Variants in MYO18A observed in about 807,000 individuals in gnomAD.
The protein encoded by MYO18A is unconventional myosin-XVIIIa.
Under a neutral mutation model 235.8 loss-of-function variants are expected in MYO18A, and 78 were observed. The ratio of observed to expected loss-of-function variants is 0.33; its 90% CI spans 0.28 to 0.40. MYO18A has a LOEUF of 0.40. Ranked by LOEUF, MYO18A falls within the 10% of genes least tolerant of loss-of-function variation. The pLI is 1.00. For synonymous variants in MYO18A, 977 were observed against 1,077.8 expected (o/e 0.91, Z 1.83); for missense variants, 2,215 against 2,699.3 (o/e 0.82, Z 3.98).
intron 21 of MYO18A, among the ~76,000 whole-genome samples, chr17:29,102,931 C>T (rs115845813): frequency 0.02 from 3,039 of 152,332 alleles, 109 homozygotes; most frequent in African/African-American, 0.069. Flanking sequence ...TCCACCCTGG[C>T]CCTGGGGCAC....
intron 3 of MYO18A, 76 bp downstream of exon 3, chr17:29,122,090 T>C (rs755372952): frequency 2.6e-5 from 40 of 1,540,704 alleles, no homozygotes; most frequent in Non-Finnish European, 3.3e-5. Context: ...CCTCACCAGA[T>C]GCAGAAGGCA....
Position 29,166,810 on chromosome 17 carries a change from C to T in MYO18A, c.131G>A (p.Gly44Asp). ...RSLEEMSLRR[G>D]FFNLNRSSKR... ...GGAGGAGCGGTTCAGGTTGAAGAAG[C>T]CACGTCGCAGGCTCATCTCCTCCAG... Residue 44 changes from glycine to aspartate, a missense_variant, in exon 2 of 42, where the codon GGC becomes GAC. Transcript: ENST00000527372. The T allele has an allele frequency of 6.2e-7, 1 of 1,603,394 alleles. No individual in the cohort carries two copies. Among genetic ancestry groups the T allele is most frequent in the East Asian group, 2.3e-5 (1 of 44,398 alleles).
intron 41 of MYO18A, among the ~76,000 whole-genome samples, chr17:29,079,432 G>A (rs1206863496): frequency 6.6e-6 from 1 of 152,238 alleles, no homozygotes; most frequent in East Asian, 1.9e-4. Flanking sequence ...GTTACTGTGA[G>A]GGATAAGTGA....
Position 29,171,139 on chromosome 17 carries a change from C to G in MYO18A, c.-81-4118G>C, listed in dbSNP as rs574860362. Reference sequence around the variant, plus strand: ...TAAGTATATGCACTTGTCAAGTTATCAAATGGTGCACATAAGATTTGTGCG... The same window carrying G: ...TAAGTATATGCACTTGTCAAGTTATGAAATGGTGCACATAAGATTTGTGCG... On this transcript the variant is annotated intron_variant, in intron 1 of 41. Coordinates refer to ENST00000527372, the MANE Select transcript of MYO18A (RefSeq NM_078471.4). 5.3e-5 allele frequency among the ~76,000 whole-genome samples: 8 copies of G among 152,262 alleles called. No individual in the cohort carries two copies. In the East Asian group the frequency reaches 1.5e-3, roughly 29 times the overall value.
At chr17:29,128,680 C>T in intron 2 of MYO18A, 1 of 626,442 alleles carries the variant, frequency 1.6e-6, no homozygotes, top group East Asian at 8.2e-5. Flanking sequence ...CACATGGCTC[C>T]ACGAGGCTAC....
intron 2 of MYO18A, among the ~76,000 whole-genome samples, chr17:29,124,231 C>A (rs2067266130): frequency 6.6e-6 from 1 of 152,168 alleles, no homozygotes; most frequent in African/African-American, 2.4e-5. Context: ...GGGTTTCTCA[C>A]ATTGGCCAGG....
chr17:29,095,129 G>T, intron 28 of MYO18A, 70 bp from the exon 29 acceptor site: 1 of 1,467,872 alleles, frequency 6.8e-7, no homozygotes. Flanking sequence ...ACTGTCAGGA[G>T]GTGGTGCCAT....
chr17:29,141,586 G>T (rs1353839145), intron 2 of MYO18A, among the ~76,000 whole-genome samples: 1 of 152,204 alleles, frequency 6.6e-6, no homozygotes, highest in Non-Finnish European at 1.5e-5. Context: ...TCCATGAAAA[G>T]ATTGGTAAGC....
At chr17:29,103,719 G>A in intron 20 of MYO18A, 55 bp from the exon 21 acceptor site, 2 of 1,578,124 alleles carry the variant, frequency 1.3e-6, no homozygotes, top group African/African-American at 1.3e-5. Context: ...TCACCATGCA[G>A]GGCTTTCTCC....
In MYO18A at chr17:29,074,279, G is replaced by T; in HGVS notation, c.*491C>A. 7.6e-7 allele frequency: 1 copy of T among 1,310,902 alleles called. No individual in the cohort carries two copies. Among genetic ancestry groups the T allele is most frequent in the Non-Finnish European group, 1.0e-6 (1 of 958,342 alleles). 81.2% of individuals were successfully genotyped at this position (1,310,902 alleles called of 1,614,324 possible). On this transcript the variant is annotated 3_prime_UTR_variant, in exon 42 of 42. Transcript: ENST00000527372. The surrounding 1 kb of genome is among the most constrained non-coding windows in gnomAD (Gnocchi z 4.4). ...GGGATGCAGCTGTGATGGAGAGGTT[G>T]GGTATTTAAATTAAAAAGTAGAAAG...
chr17:29,115,478 C>A, intron 12 of MYO18A, 37 bp from the exon 13 acceptor site: 1 of 1,598,186 alleles, frequency 6.3e-7, no homozygotes, highest in East Asian at 2.3e-5. Context: ...CTCCTTCTCC[C>A]CAGGGCTCCC....
chr17:29,091,676 C>T (rs993458980), intron 34 of MYO18A: 5 of 454,748 alleles, frequency 1.1e-5, no homozygotes, highest in East Asian at 6.9e-5. Context: ...AAATCAAGCC[C>T]GTGAGATTGG....
At position 29,125,851 on chromosome 17, in the gene MYO18A, G is replaced by A; in HGVS notation, c.1000-3598C>T. 5 of 965,102 alleles carry A rather than the reference G, an allele frequency of 5.2e-6. No individual in the cohort carries two copies. Among genetic ancestry groups the A allele is most frequent in the Non-Finnish European group, 4.9e-6 (4 of 810,768 alleles). 59.8% of individuals were successfully genotyped at this position (965,102 alleles called of 1,614,324 possible). On this transcript the variant is annotated intron_variant, in intron 2 of 41. Transcript: ENST00000527372. The surrounding 1 kb of genome is among the most constrained non-coding windows in gnomAD (Gnocchi z 5.1). ...GGTCCTGCCGCCAGCCTCAGGAAGA[G>A]GGCGGCCAGGGACTGGGACCCACAC...
At position 29,082,361 on chromosome 17, in the gene MYO18A, C is replaced by A; in HGVS notation, c.5975G>T (p.Gly1992Val). 8 of 1,613,970 alleles carry A rather than the reference C, an allele frequency of 5.0e-6. No homozygotes were observed. Among genetic ancestry groups the A allele is most frequent in the Non-Finnish European group, 6.8e-6 (8 of 1,179,880 alleles). ...ATCATCAGAAGCTGCCTTGGAAGGTCCCTTGTTTTTTGACAACCAGGACTT... is the reference window on the plus strand; with the variant it reads ...ATCATCAGAAGCTGCCTTGGAAGGTACCTTGTTTTTTGACAACCAGGACTT... ...GVKSWLSKNK[G>V]PSKAASDDGS... The change falls in exon 41 of 42, where the codon GGA (glycine) becomes GTA (valine). Residue 1992 changes from glycine (G) to valine (V), a missense_variant. Transcript: ENST00000527372.
Position 29,111,468 on chromosome 17 carries a change from G to T in MYO18A, c.2856C>A (p.Asn952Lys), listed in dbSNP as rs1452730012. ...VTGWLNYTKQ[N>K]PATQNAPRLL... Reference sequence around the variant, plus strand: ...GCCGGGGGGCATTCTGGGTGGCTGGGTTCTGCTTGGTGTAGTTCAGCCAGC... The same window carrying T: ...GCCGGGGGGCATTCTGGGTGGCTGGTTTCTGCTTGGTGTAGTTCAGCCAGC... Residue 952 changes from asparagine (N) to lysine (K), a missense_variant, in exon 17 of 42, where the codon AAC (asparagine) becomes AAA (lysine). Transcript: ENST00000527372. The surrounding 1 kb of genome is among the most constrained non-coding windows in gnomAD (Gnocchi z 5.1). The T allele has an allele frequency of 6.2e-7, 1 of 1,612,324 alleles. No homozygotes were observed. The highest frequency in any genetic ancestry group is 1.7e-5 in the Admixed American group (1 of 59,720).
At chr17:29,145,205 G>A (rs756604022) in intron 2 of MYO18A, among the ~76,000 whole-genome samples, 2 of 152,092 alleles carry the variant, frequency 1.3e-5, no homozygotes, top group Non-Finnish European at 2.9e-5. Context: ...CCGTTCCCCA[G>A]CACTAGGCAC....
chr17:29,117,888 C>T lies in MYO18A; in HGVS notation c.2038+157G>A. 1 of 898,460 alleles carries T rather than the reference C, an allele frequency of 1.1e-6. No individual in the cohort carries two copies. Among genetic ancestry groups the T allele is most frequent in the East Asian group, 2.7e-5 (1 of 37,238 alleles). The allele number at this position is 898,460 out of a possible 1,614,324, so 55.7% of individuals were successfully genotyped here. ...CTGCCAAAGATGCTTCCCGGGCCTT[C>T]TGCTCTGAAGTGGGGGGCTGAGAAG... On this transcript the variant is annotated intron_variant, in intron 10 of 41. Coordinates refer to ENST00000527372, the MANE Select transcript of MYO18A (RefSeq NM_078471.4). The surrounding 1 kb of genome is among the most constrained non-coding windows in gnomAD (Gnocchi z 4.6).
intron 21 of MYO18A, 89 bp from the exon 22 acceptor site, chr17:29,099,851 A>G: frequency 6.5e-7 from 1 of 1,527,860 alleles, no homozygotes; most frequent in Non-Finnish European, 8.8e-7. Flanking sequence ...AGAAACAAGC[A>G]GGCCAGGGAG....
At position 29,119,221 on chromosome 17, in the gene MYO18A, A is replaced by T. The variant is rs780883066; in HGVS notation, c.1829+114T>A. The T allele has an allele frequency of 5.3e-4, 389 of 737,802 alleles. 1 individual carries two copies. The highest frequency in any genetic ancestry group is 7.2e-4 in the Non-Finnish European group (319 of 441,256). 45.7% of individuals were successfully genotyped at this position (737,802 alleles called of 1,614,324 possible). On this transcript the variant is annotated intron_variant, in intron 8 of 41. Transcript: ENST00000527372. ...AGCACATAGCAGACATGCACTGACC[A>T]AACAGTGCAGGATGCGATCAAGTGG... is the stretch of plus-strand genomic sequence containing the variant.
Sources: allele counts gnomAD v4.1 joint callset (sites outside exome capture counted in the v4.1 genomes callset), GRCh38; gene constraint gnomAD v4.1.1; non-coding constraint Gnocchi (gnomAD v3.1); transcripts MANE v1.5; gene names NCBI Gene and HGNC (gene_info 2026-07-23, HGNC 2026-07-21).